Variants in TEF observed in about 807,000 individuals in gnomAD.
TEF encodes thyrotroph embryonic factor.
TEF carries 3 observed loss-of-function variants against 20.8 expected under a neutral mutation model. The observed-to-expected ratio is 0.14, with a 90% CI of 0.07 to 0.37. The LOEUF is 0.37. TEF is among the 10% of genes least tolerant of loss of function. The pLI, the probability that TEF is intolerant of heterozygous loss-of-function variation, is 1.00. For missense variants in TEF, 296 were observed against 397.9 expected (o/e 0.74, Z 2.18); for synonymous variants, 180 against 171.1 (o/e 1.05, Z -0.41).
At chr22:41,381,224 G>T (rs996437463), upstream of TEF, among the ~76,000 whole-genome samples, 3 of 152,254 alleles carry the variant, frequency 2.0e-5, no homozygotes, top group Non-Finnish European at 4.4e-5. Context: ...CGTGGGAGCA[G>T]AAGTGCGGGC....
upstream of TEF, among the ~76,000 whole-genome samples, chr22:41,380,381 C>T (rs971851334): frequency 6.6e-6 from 1 of 152,214 alleles, no homozygotes; most frequent in African/African-American, 2.4e-5. Flanking sequence ...GTCTCGAACT[C>T]CTGACCTCAG....
In TEF at chr22:41,387,568, A is replaced by G; in HGVS notation, c.375A>G (p.Val125=). 6.2e-7 allele frequency: 1 copy of G among 1,614,192 alleles called. No homozygotes were observed. The change falls in exon 2 of 4, where the codon GTA becomes GTG. Residue 125 remains valine, a synonymous_variant. Transcript: ENST00000266304. ...THLAHNLLLP[V]AELEGKESAS... The stretch of plus-strand genomic sequence containing the variant: ...TGGCCCACAACCTGCTGCTGCCTGT[A>G]GCAGAGCTAGAAGGGAAGGAGTCTG...
At position 41,394,277 on chromosome 22, in the gene TEF, C is replaced by A; in HGVS notation, c.657C>A (p.Ile219=). The change falls in exon 3 of 4, where the codon ATC becomes ATA. Residue 219 remains isoleucine, a synonymous_variant. Coordinates refer to ENST00000266304, the MANE Select transcript of TEF (RefSeq NM_003216.4). ...AGGACCTGAAGCCCCAGCCTATGAT[C>A]AAAAAGGCCAAGAAGGTCTTTGTCC... The part of the protein sequence containing the change: ...AEEDLKPQPM[I]KKAKKVFVPD... 6.2e-7 allele frequency: 1 copy of A among 1,613,990 alleles called. No homozygotes were observed. Among genetic ancestry groups the A allele is most frequent in the Non-Finnish European group, 8.5e-7 (1 of 1,179,992 alleles).
intron 1 of TEF, among the ~76,000 whole-genome samples, chr22:41,373,791 G>A (rs920090563): frequency 1.5e-5 from 2 of 130,898 alleles, no homozygotes; most frequent in Non-Finnish European, 3.2e-5. Context: ...TTTTGGAGAC[G>A]GAGTCTCCGT....
intron 2 of TEF, among the ~76,000 whole-genome samples, chr22:41,388,245 G>C (rs902026020): frequency 4.6e-5 from 7 of 151,764 alleles, no homozygotes; most frequent in African/African-American, 1.7e-4. Flanking sequence ...TGATCTGCCC[G>C]CCTCAGCCTC....
Position 41,398,758 on chromosome 22 carries a change from GC to G in TEF, c.*2800del, listed in dbSNP as rs1395530027. On this transcript the variant is annotated 3_prime_UTR_variant, in exon 4 of 4. Coordinates refer to ENST00000266304, the MANE Select transcript of TEF (RefSeq NM_003216.4). ...GTAACCCTGCTGAGGGGCTGTGCAG[GC>G]CGCTCCTACGGTCCTTTGGCCTGAG... The G allele has an allele frequency of 6.6e-6, 1 of 152,260 alleles. No homozygotes were observed. Among genetic ancestry groups the G allele is most frequent in the Non-Finnish European group, 1.5e-5 (1 of 68,056 alleles). 9.4% of individuals were successfully genotyped at this position (152,260 alleles called of 1,614,324 possible).
rs2037239828 is a variant in TEF, at chr22:41,397,154, G to A, written c.*1194G>A. ...ACCAAGGTCACAGTGCCACTTTCACGGGATAGCAGGCTCTTGGGACTTTTA... is the reference window on the plus strand; with the variant it reads ...ACCAAGGTCACAGTGCCACTTTCACAGGATAGCAGGCTCTTGGGACTTTTA... On this transcript the variant is annotated 3_prime_UTR_variant, in exon 4 of 4. Transcript: ENST00000266304. 2.5e-6 allele frequency: 1 copy of A among 398,612 alleles called. No individual in the cohort carries two copies. The highest frequency in any genetic ancestry group is 4.4e-5 in the Admixed American group (1 of 22,714). 24.7% of individuals were successfully genotyped at this position (398,612 alleles called of 1,614,324 possible). A position where few individuals can be genotyped will look rare whatever the true frequency, so the allele number is the denominator to read the frequency against.
intron 1 of TEF, among the ~76,000 whole-genome samples, chr22:41,382,416 T>G (rs917096895): frequency 2.0e-5 from 3 of 146,734 alleles, no homozygotes; most frequent in African/African-American, 2.5e-5. Context: ...CGGGAGAGGG[T>G]GGGGAGAGGT....
upstream of TEF, among the ~76,000 whole-genome samples, chr22:41,379,019 T>C (rs112890167): frequency 8.5e-5 from 13 of 152,328 alleles, 2 homozygotes; most frequent in African/African-American, 3.1e-4. Context: ...TTTGCAACTG[T>C]GCGCCTACGC....
chr22:41,390,900 T>A (rs2037157221), intron 2 of TEF, among the ~76,000 whole-genome samples: 1 of 152,194 alleles, frequency 6.6e-6, no homozygotes, highest in Non-Finnish European at 1.5e-5. Flanking sequence ...TTTTGTTTCC[T>A]GCGGCTTTCT....
chr22:41,380,260 C>T (rs929526182), upstream of TEF, among the ~76,000 whole-genome samples: 1 of 152,240 alleles, frequency 6.6e-6, no homozygotes, highest in Non-Finnish European at 1.5e-5. Flanking sequence ...CAAACCGATT[C>T]TCGTGCCTCA....
chr22:41,367,678 A>T, intron 1 of TEF: 1 of 1,412,876 alleles, frequency 7.1e-7, no homozygotes, highest in Non-Finnish European at 9.7e-7. Context: ...GCACAGTGGC[A>T]GGACAGGCAT....
chr22:41,369,901 T>C, intron 1 of TEF: 1 of 985,398 alleles, frequency 1.0e-6, no homozygotes, highest in South Asian at 4.7e-5. Context: ...GTTATCTCTT[T>C]GGATGACTGT....
intron 3 of TEF, among the ~76,000 whole-genome samples, 167 bp downstream of exon 3, chr22:41,394,483 AGAAAG>A (rs2037204501): frequency 6.6e-6 from 1 of 152,228 alleles, no homozygotes; most frequent in Admixed American, 6.5e-5. Context: ...TTTGGTAGAA[AGAAAG>A]GGAGTCATGT....
exon 1 of TEF, chr22:41,367,566 G>C: frequency 6.4e-7 from 1 of 1,551,400 alleles, no homozygotes; most frequent in East Asian, 2.4e-5. Context: ...GTCCCTGCTG[G>C]AGCACTCTCT....
intron 2 of TEF, among the ~76,000 whole-genome samples, chr22:41,389,635 G>GTTT (rs770938186): frequency 6.9e-6 from 1 of 144,122 alleles, no homozygotes. Flanking sequence ...ATAAATAAAA[G>GTTT]TTTTTTTTTT....
Position 41,394,185 on chromosome 22 carries a change from G to A in TEF, c.565G>A (p.Asp189Asn), listed in dbSNP as rs951545931. The A allele has an allele frequency of 6.2e-7, 1 of 1,614,140 alleles. No homozygotes were observed. ...TGTGAACTTCAATCCGGACCCCGCC[G>A]ACCTGGTGCTCTCCAGTGTGCCAGG... ...VDVNFNPDPADLVLSSVPGGE... is the reference protein window; with the variant it reads ...VDVNFNPDPANLVLSSVPGGE... Residue 189 changes from aspartate (D) to asparagine (N), a missense_variant, in exon 3 of 4, where the codon GAC becomes AAC. Around this residue, in one of 2 missense-constraint regions of TEF, gnomAD observed 194 missense variants for 317.8 expected, o/e 0.61. Transcript: ENST00000266304.
At position 41,391,648 on chromosome 22, in the gene TEF, G is replaced by T. The variant is rs1332449436; in HGVS notation, c.476-2448G>T. On this transcript the variant is annotated intron_variant, in intron 2 of 3. Coordinates refer to ENST00000266304, the MANE Select transcript of TEF (RefSeq NM_003216.4). Reference sequence around the variant, plus strand: ...GACTTTTTTTTTTTTTTTTGAGAGGGAGTCTCACTCTGTCGCCAGGCTGGA... The same window carrying T: ...GACTTTTTTTTTTTTTTTTGAGAGGTAGTCTCACTCTGTCGCCAGGCTGGA... Among the ~76,000 whole-genome samples the T allele has an allele frequency of 5.4e-5, 8 of 146,810 alleles. 1 individual carries two copies. The highest frequency in any genetic ancestry group is 2.0e-4 in the African/African-American group (8 of 39,356).
chr22:41,394,035 T>A lies in TEF; in HGVS notation c.476-61T>A, dbSNP rs180937753. ...AGGTTCAACCAGGTGTCTGGGTGTG[T>A]GGCGTGGGTCTTCTCTGTCCAGTGG... On this transcript the variant is annotated intron_variant, in intron 2 of 3. Coordinates refer to ENST00000266304, the MANE Select transcript of TEF (RefSeq NM_003216.4). The A allele has an allele frequency of 2.2e-4, 336 of 1,493,518 alleles. 1 individual carries two copies. In the East Asian group the frequency reaches 7.2e-3, roughly 32 times the overall value. The allele number at this position is 1,493,518 out of a possible 1,614,324, so 92.5% of individuals were successfully genotyped here. A position where few individuals can be genotyped will look rare whatever the true frequency, so the allele number is the denominator to read the frequency against.
Sources: gnomAD v4.1 joint callset for allele counts (sites outside exome capture counted in the v4.1 genomes callset) on GRCh38, gnomAD v4.1.1 for gene constraint, gnomAD v4.1.1 regional missense constraint, MANE v1.5 for transcripts, NCBI Gene and HGNC (gene_info 2026-07-23, HGNC 2026-07-21) for gene names.